Variants in ZC3H12B observed in about 807,000 individuals in gnomAD.
The protein encoded by ZC3H12B is probable ribonuclease ZC3H12B.
ZC3H12B carries 7 observed loss-of-function variants against 43.9 expected under a neutral mutation model. The ratio of observed to expected loss-of-function variants is 0.16; its 90% confidence interval spans 0.09 to 0.30. ZC3H12B has a LOEUF of 0.30. Ranked by LOEUF, ZC3H12B falls within the 10% of genes least tolerant of loss-of-function variation. ZC3H12B has a pLI of 1.00. For missense variants in ZC3H12B, 475 were observed against 670.2 expected (o/e 0.71, Z 3.22); for synonymous variants, 222 against 241.7 (o/e 0.92, Z 0.76).
At chrX:65,499,929 G>A in exon 4 of ZC3H12B, 1 of 1,211,747 alleles carries the variant, frequency 8.3e-7, no homozygotes. Flanking sequence ...CCCAAGCCTT[G>A]AAAATTTCTT....
rs1341349905 is a variant in ZC3H12B at position 65,378,904 on chromosome X, A to G, written n.295+9906A>G. On this transcript the variant is annotated intron_variant and non_coding_transcript_variant, in intron 2 of 5. Coordinates refer to the ZC3H12B transcript ENST00000617377. ...CTAATACTGCGCTTTTCCGATGGGC[A>G]TAAAAAATGGCGCACCAGGAGATTA... is the stretch of plus-strand genomic sequence containing the variant. Among the ~76,000 whole-genome samples, 52 of 112,658 alleles carry G rather than the reference A, an allele frequency of 4.6e-4. 1 individual carries two copies. The highest frequency in any genetic ancestry group is 1.9e-5 in the Non-Finnish European group (1 of 53,258).
chrX:65,496,504 A>G (rs1245859038), intron 1 of ZC3H12B, among the ~76,000 whole-genome samples: 1 of 111,154 alleles, frequency 9.0e-6, no homozygotes, highest in Non-Finnish European at 1.9e-5. Flanking sequence ...GGAACTAGTG[A>G]TAGGAGATAG....
Position 65,440,699 on chromosome X carries a change from CAGG to C in ZC3H12B, n.407+41998_407+42000del, listed in dbSNP as rs778168452. On this transcript the variant is annotated intron_variant and non_coding_transcript_variant, in intron 3 of 5. Coordinates refer to the ZC3H12B transcript ENST00000617377. Reference sequence around the variant, plus strand: ...AAAGGCCAATTTTTTGGAATTATAGCAGGAGAAGGCAATCCTGGCTGTAATGCT... The same window carrying C: ...AAAGGCCAATTTTTTGGAATTATAGCAGAAGGCAATCCTGGCTGTAATGCT... 4.3e-4 allele frequency among the ~76,000 whole-genome samples: 48 copies of C among 112,347 alleles called. No individual in the cohort carries two copies. The East Asian group carries it at 0.013, about 31-fold the overall frequency.
At chrX:65,225,484 G>A in the ZC3H12B span, among the ~76,000 whole-genome samples, 1 of 112,441 alleles carries the variant, frequency 8.9e-6, no homozygotes, top group South Asian at 3.7e-4. Context: ...TCCTCCAAAG[G>A]AACGCAGTTC....
intron 3 of ZC3H12B, among the ~76,000 whole-genome samples, chrX:65,407,917 G>A (rs2066854326): frequency 8.8e-6 from 1 of 113,858 alleles, no homozygotes; most frequent in Admixed American, 9.1e-5. Context: ...GCAGCTGCGG[G>A]CGCCGAGTGG....
the ZC3H12B span, among the ~76,000 whole-genome samples, chrX:65,332,389 G>A: frequency 8.9e-6 from 1 of 111,884 alleles, no homozygotes; most frequent in Non-Finnish European, 1.9e-5. Context: ...TTCAATTTAA[G>A]AAAACATTCA....
the ZC3H12B span, among the ~76,000 whole-genome samples, chrX:65,212,227 A>T: frequency 2.1e-5 from 1 of 48,190 alleles, no homozygotes; most frequent in East Asian, 8.9e-4. Context: ...TATATATTAT[A>T]TTATATAGTA....
chrX:65,037,103 T>C, the ZC3H12B span, among the ~76,000 whole-genome samples: 1 of 110,240 alleles, frequency 9.1e-6, no homozygotes, highest in Admixed American at 9.6e-5. Flanking sequence ...ATTTACCAGT[T>C]GGGTAAATTG....
the ZC3H12B span, chrX:65,185,619 C>G: frequency 9.0e-6 from 1 of 111,310 alleles, no homozygotes. Flanking sequence ...GAAATAGTCT[C>G]CAAATATCCA....
chrX:65,292,891 G>A, the ZC3H12B span, among the ~76,000 whole-genome samples: 1 of 111,422 alleles, frequency 9.0e-6, no homozygotes, highest in Admixed American at 9.5e-5. Flanking sequence ...GGCTGAGGTA[G>A]GAGGATCACT....
chrX:65,187,655 C>CTT, the ZC3H12B span, among the ~76,000 whole-genome samples: 2 of 96,145 alleles, frequency 2.1e-5, no homozygotes, highest in African/African-American at 3.7e-5. Context: ...ATTGATTTTA[C>CTT]TTTTTTTTTT....
the ZC3H12B span, among the ~76,000 whole-genome samples, chrX:65,234,629 G>A: frequency 8.9e-6 from 1 of 111,960 alleles, no homozygotes; most frequent in African/African-American, 3.2e-5. Flanking sequence ...TCTACCAAAA[G>A]AATAATAAAA....
At chrX:65,090,423 G>A in the ZC3H12B span, among the ~76,000 whole-genome samples, 1 of 111,844 alleles carries the variant, frequency 8.9e-6, no homozygotes, top group African/African-American at 3.2e-5. Flanking sequence ...GATTTTTTTT[G>A]TAACTAAGTC....
At chrX:65,433,444 C>G (rs1327257556) in intron 3 of ZC3H12B, among the ~76,000 whole-genome samples, 1 of 111,808 alleles carries the variant, frequency 8.9e-6, no homozygotes, top group Non-Finnish European at 1.9e-5. Context: ...GGTTAGAGAA[C>G]TAATGTGGGG....
chrX:65,393,005 C>T (rs1398831152), intron 2 of ZC3H12B, among the ~76,000 whole-genome samples: 2 of 111,494 alleles, frequency 1.8e-5, no homozygotes, highest in African/African-American at 6.5e-5. Context: ...GGATTAAGGG[C>T]GGTGCAAGAA....
At chrX:65,376,914 A>T (rs190023538) in intron 2 of ZC3H12B, among the ~76,000 whole-genome samples, 201 of 111,091 alleles carry the variant, frequency 1.8e-3, no homozygotes, top group Non-Finnish European at 3.3e-3. Context: ...TGACTCCACC[A>T]AACTAAATAA....
At chrX:65,137,328 G>A in the ZC3H12B span, among the ~76,000 whole-genome samples, 1 of 111,825 alleles carries the variant, frequency 8.9e-6, no homozygotes, top group African/African-American at 3.2e-5. Context: ...AAAACAGTTT[G>A]GATTATGAGT....
At chrX:65,410,637 C>CA (rs201191378) in intron 3 of ZC3H12B, among the ~76,000 whole-genome samples, 73 of 108,535 alleles carry the variant, frequency 6.7e-4, no homozygotes, top group South Asian at 2.3e-3. Flanking sequence ...AATAAACTGA[C>CA]AAAAAAAAAT....
chrX:65,153,912 G>A, the ZC3H12B span, among the ~76,000 whole-genome samples: 1 of 110,971 alleles, frequency 9.0e-6, no homozygotes, highest in Non-Finnish European at 1.9e-5. Context: ...AAAAAATGAT[G>A]AGTTCATGTC....
Sources: gnomAD v4.1 joint callset for allele counts (sites outside exome capture counted in the v4.1 genomes callset) on GRCh38, gnomAD v4.1.1 for gene constraint, MANE v1.5 for transcripts, NCBI Gene and HGNC (gene_info 2026-07-23, HGNC 2026-07-21) for gene names.